Variants in CHODL observed in about 807,000 individuals in gnomAD.
CHODL encodes the protein chondrolectin.
CHODL carries 29 observed loss-of-function variants against 34.5 expected under a neutral mutation model. The ratio of observed to expected loss-of-function variants is 0.84; its 90% CI spans 0.63 to 1.15. CHODL has a LOEUF of 1.15. Ranked by LOEUF, CHODL falls within the 50% of genes most tolerant of loss-of-function variation. The probability of loss-of-function intolerance (pLI) is 0.00; values close to 1 mark genes in which losing one functional copy is unlikely to be tolerated. For synonymous variants in CHODL, 125 were observed against 116.1 expected, an observed-to-expected ratio of 1.08 and a Z score of -0.49; for missense variants, 332 against 332.5, an observed-to-expected ratio of 1.00 and a Z score of 0.01.
intron 2 of CHODL, among the ~76,000 whole-genome samples, chr21:18,119,044 T>TA (rs2065447634): frequency 6.6e-6 from 1 of 152,110 alleles, no homozygotes; most frequent in Non-Finnish European, 1.5e-5. Flanking sequence ...TTTTATTTTT[T>TA]AAAAACCACG....
chr21:17,961,572 C>T (rs1055717749), intron 1 of CHODL, among the ~76,000 whole-genome samples: 5 of 152,158 alleles, frequency 3.3e-5, no homozygotes, highest in Non-Finnish European at 7.3e-5. Context: ...CTTACCTATC[C>T]CCAGCTGATG....
At chr21:18,054,540 G>A (rs1337138417) in intron 2 of CHODL, among the ~76,000 whole-genome samples, 1 of 151,990 alleles carries the variant, frequency 6.6e-6, no homozygotes, top group Non-Finnish European at 1.5e-5. Flanking sequence ...TCACCTATAT[G>A]TGGAATCTAC....
At chr21:17,927,108 G>GTATATATGTA (rs1315805134) in intron 1 of CHODL, among the ~76,000 whole-genome samples, 19 of 131,748 alleles carry the variant, frequency 1.4e-4, no homozygotes, top group African/African-American at 6.9e-4. Flanking sequence ...CTGTGTGTAT[G>GTATATATGTA]TATATATGTA....
At chr21:17,961,304 T>C (rs2063530615) in intron 1 of CHODL, among the ~76,000 whole-genome samples, 1 of 152,232 alleles carries the variant, frequency 6.6e-6, no homozygotes, top group African/African-American at 2.4e-5. Context: ...GTTCAGCTAG[T>C]GCTACCTAAA....
chr21:18,031,250 G>T (rs1029153195), intron 2 of CHODL, among the ~76,000 whole-genome samples: 4 of 152,066 alleles, frequency 2.6e-5, no homozygotes, highest in Non-Finnish European at 5.9e-5. Context: ...TTCTCTCTTT[G>T]CCTAAAGATG....
chr21:17,925,082 C>T (rs964583176), intron 1 of CHODL, among the ~76,000 whole-genome samples: 2 of 152,166 alleles, frequency 1.3e-5, no homozygotes, highest in Non-Finnish European at 2.9e-5. Flanking sequence ...TCTGGGCAGC[C>T]AAGCTCAAGG....
intron 1 of CHODL, among the ~76,000 whole-genome samples, chr21:17,943,968 T>C (rs1036244422): frequency 6.6e-6 from 1 of 152,206 alleles, no homozygotes; most frequent in African/African-American, 2.4e-5. Flanking sequence ...GGTAGCTCGG[T>C]GTTCCTGCCA....
At chr21:18,201,210 T>G (rs959471502) in intron 2 of CHODL, among the ~76,000 whole-genome samples, 1 of 152,236 alleles carries the variant, frequency 6.6e-6, no homozygotes, top group African/African-American at 2.4e-5. Flanking sequence ...CTATAAATGT[T>G]ACTTATTTTT....
chr21:18,095,209 G>A (rs2736253), intron 2 of CHODL, among the ~76,000 whole-genome samples: 61,620 of 151,514 alleles, frequency 0.41, 13,718 homozygotes, highest in Non-Finnish European at 0.51. Context: ...AAGATCAATG[G>A]ACCAAAAATT....
At chr21:18,045,512 C>G (rs1046771912) in intron 2 of CHODL, among the ~76,000 whole-genome samples, 2 of 151,960 alleles carry the variant, frequency 1.3e-5, no homozygotes, top group Middle Eastern at 3.4e-3. Flanking sequence ...CTCCCAGAAG[C>G]TAGGAAGAGG....
intron 1 of CHODL, among the ~76,000 whole-genome samples, chr21:17,939,670 C>T (rs1011012694): frequency 3.3e-5 from 5 of 152,134 alleles, no homozygotes; most frequent in Non-Finnish European, 5.9e-5. Context: ...TCTCTCTTAC[C>T]TCTTTTACTC....
chr21:18,262,133 A>T (rs991175753), intron 4 of CHODL, among the ~76,000 whole-genome samples: 2 of 152,186 alleles, frequency 1.3e-5, no homozygotes, highest in African/African-American at 2.4e-5. Context: ...TGAATTGTAG[A>T]TTTAATAATA....
At chr21:17,925,852 T>C (rs919285093) in intron 1 of CHODL, among the ~76,000 whole-genome samples, 4 of 152,222 alleles carry the variant, frequency 2.6e-5, no homozygotes, top group African/African-American at 7.2e-5. Context: ...ATATCTTTTA[T>C]TGGTTATTTT....
chr21:18,132,528 T>G (rs767400595), intron 2 of CHODL, among the ~76,000 whole-genome samples: 3 of 152,182 alleles, frequency 2.0e-5, no homozygotes, highest in Non-Finnish European at 4.4e-5. Flanking sequence ...CATCTATATG[T>G]AAGCAATACC....
At chr21:18,222,579 G>A (rs955634913) in intron 2 of CHODL, among the ~76,000 whole-genome samples, 1 of 152,078 alleles carries the variant, frequency 6.6e-6, no homozygotes, top group African/African-American at 2.4e-5. Flanking sequence ...TGGGAATGTG[G>A]ACTGCTGAAG....
intron 1 of CHODL, among the ~76,000 whole-genome samples, chr21:17,948,648 AC>A (rs1427009403): frequency 5.3e-5 from 8 of 152,256 alleles, no homozygotes; most frequent in African/African-American, 1.9e-4. Context: ...AAATTGAATA[AC>A]CCTAGAAGAA....
chr21:18,095,653 A>G (rs1688155), intron 2 of CHODL, among the ~76,000 whole-genome samples: 55,812 of 152,074 alleles, frequency 0.37, 12,355 homozygotes, highest in Non-Finnish European at 0.51. Flanking sequence ...AACTCATTCT[A>G]CAAGGCCAGT....
intron 2 of CHODL, among the ~76,000 whole-genome samples, chr21:18,115,530 G>A (rs1157144625): frequency 6.6e-6 from 1 of 152,062 alleles, no homozygotes; most frequent in African/African-American, 2.4e-5. Context: ...TGGAAAACTT[G>A]TAGACAGCCA....
At chr21:18,249,106 AAT>A (rs530319825) in intron 1 of CHODL, among the ~76,000 whole-genome samples, 6,145 of 126,960 alleles carry the variant, frequency 0.048, 453 homozygotes, top group African/African-American at 0.16. Flanking sequence ...TATATATAAT[AAT>A]ATATATATAA....
Sources: allele counts gnomAD v4.1 joint callset (sites outside exome capture counted in the v4.1 genomes callset), GRCh38; gene constraint gnomAD v4.1.1; transcripts MANE v1.5; gene names NCBI Gene and HGNC (gene_info 2026-07-23, HGNC 2026-07-21).